The following DLC1 variants were observed in gnomAD, a reference collection of about 807,000 sequenced individuals.
The protein encoded by DLC1 is rho GTPase-activating protein 7.
A neutral mutation model predicts 140.3 loss-of-function variants in DLC1; 54 were observed. The observed-to-expected ratio is 0.38, with a 90% CI of 0.31 to 0.48. The LOEUF (loss-of-function observed/expected upper bound fraction) is 0.48. DLC1 is among the 20% of genes least tolerant of loss of function. The pLI is 0.96. For synonymous variants in DLC1, 986 were observed against 728.1 expected, an observed-to-expected ratio of 1.35 and a Z score of -5.70; for missense variants, 2,536 against 1,907.0, an observed-to-expected ratio of 1.33 and a Z score of -6.14.
intron 5 of DLC1, among the ~76,000 whole-genome samples, chr8:13,141,256 CAAAAAAAAAAAAA>C (rs34321250): frequency 4.7e-5 from 3 of 63,802 alleles, no homozygotes; most frequent in Admixed American, 2.3e-4. Context: ...GAGTCTGTCT[CAAAAAAAAAAAAA>C]AAAAAAAAAA....
At chr8:13,474,677 C>G (rs898725153) in intron 2 of DLC1, among the ~76,000 whole-genome samples, 3 of 152,232 alleles carry the variant, frequency 2.0e-5, no homozygotes, top group African/African-American at 4.8e-5. Flanking sequence ...GAACACACCT[C>G]TTGCACCAGC....
intron 2 of DLC1, among the ~76,000 whole-genome samples, chr8:13,414,960 G>A (rs575783968): frequency 3.9e-5 from 6 of 152,020 alleles, no homozygotes; most frequent in East Asian, 1.9e-4. Flanking sequence ...ACAGGCGTGC[G>A]CCACCATGCC....
chr8:13,444,945 G>A (rs1300739377), intron 2 of DLC1, among the ~76,000 whole-genome samples: 2 of 152,152 alleles, frequency 1.3e-5, no homozygotes, highest in Non-Finnish European at 2.9e-5. Context: ...TTGAATGAAT[G>A]AAGATGTAGG....
At chr8:13,481,858 A>T (rs1449793825) in intron 2 of DLC1, among the ~76,000 whole-genome samples, 3 of 152,182 alleles carry the variant, frequency 2.0e-5, no homozygotes, top group African/African-American at 7.2e-5. Context: ...GTCCTTAAAA[A>T]GGGGGAAATA....
At chr8:13,589,997 A>C (rs1805463331) in intron 1 of DLC1, among the ~76,000 whole-genome samples, 1 of 151,396 alleles carries the variant, frequency 6.6e-6, no homozygotes, top group African/African-American at 2.4e-5. Context: ...AAATTTCAAC[A>C]GCGAACATGC....
chr8:13,100,179 T>C lies in DLC1; in HGVS notation c.2158A>G (p.Asn720Asp), dbSNP rs945445914. The C allele has an allele frequency of 6.2e-7, 1 of 1,613,002 alleles. No individual in the cohort carries two copies. Among genetic ancestry groups the C allele is most frequent in the East Asian group, 2.2e-5 (1 of 44,792 alleles). The change falls in exon 9 of 18, where the codon AAT becomes GAT. Residue 720 changes from asparagine to aspartate, a missense_variant. Coordinates refer to ENST00000276297, the MANE Select transcript of DLC1 (RefSeq NM_182643.3). ...QLNCVEISALNGNRINVPMVR... is the reference protein window; with the variant it reads ...QLNCVEISALDGNRINVPMVR... The stretch of plus-strand genomic sequence containing the variant: ...ATGGGGACGTTGATGCGGTTGCCAT[T>C]GAGGGCGGAGATCTCCACGCAGTTG...
intron 4 of DLC1, among the ~76,000 whole-genome samples, chr8:13,321,422 C>T (rs775107933): frequency 6.6e-6 from 1 of 151,612 alleles, no homozygotes; most frequent in African/African-American, 2.4e-5. Context: ...CCTGTAGTCT[C>T]AGCTACTTGG....
At chr8:13,438,184 C>G (rs1047432586) in intron 2 of DLC1, among the ~76,000 whole-genome samples, 1 of 152,108 alleles carries the variant, frequency 6.6e-6, no homozygotes, top group Non-Finnish European at 1.5e-5. Context: ...GCTCAAGCCT[C>G]ATCTCAATTA....
chr8:13,315,745 A>G (rs1343054419), intron 4 of DLC1, among the ~76,000 whole-genome samples: 3 of 152,142 alleles, frequency 2.0e-5, no homozygotes, highest in African/African-American at 4.8e-5. Flanking sequence ...CTGTGCAGGA[A>G]TGGTGACCTG....
At chr8:13,237,406 T>A (rs1352389612) in intron 5 of DLC1, among the ~76,000 whole-genome samples, 7 of 151,684 alleles carry the variant, frequency 4.6e-5, no homozygotes, top group South Asian at 4.2e-4. Context: ...TGTATGAACT[T>A]CAGTTAAATG....
chr8:13,439,188 G>A (rs1322933257), intron 2 of DLC1, among the ~76,000 whole-genome samples: 1 of 152,138 alleles, frequency 6.6e-6, no homozygotes, highest in Non-Finnish European at 1.5e-5. Context: ...GTTGGGCGTG[G>A]TGGTGTGCAC....
At chr8:13,155,368 A>AT (rs1431977182) in intron 5 of DLC1, among the ~76,000 whole-genome samples, 5 of 151,938 alleles carry the variant, frequency 3.3e-5, no homozygotes, top group Non-Finnish European at 7.4e-5. Context: ...GCAAATGAAA[A>AT]ATAAAAGATA....
intron 2 of DLC1, among the ~76,000 whole-genome samples, chr8:13,467,823 G>T (rs1800009272): frequency 6.6e-6 from 1 of 151,986 alleles, no homozygotes; most frequent in African/African-American, 2.4e-5. Flanking sequence ...CCTTTCATCT[G>T]TTAATAAGTA....
intron 1 of DLC1, among the ~76,000 whole-genome samples, chr8:13,544,180 T>C (rs1010280445): frequency 6.9e-6 from 1 of 144,042 alleles, no homozygotes; most frequent in Non-Finnish European, 1.5e-5. Flanking sequence ...TTTGTCATTC[T>C]CTCTTACACA....
At chr8:13,457,843 A>G (rs1411235044) in intron 2 of DLC1, among the ~76,000 whole-genome samples, 2 of 152,174 alleles carry the variant, frequency 1.3e-5, no homozygotes, top group Admixed American at 6.5e-5. Flanking sequence ...GAAGAAAAAC[A>G]TGAATTTCTT....
rs1818901654 is a variant in DLC1 at position 13,100,059 on chromosome 8, T to C, written c.2278A>G (p.Thr760Ala). 6.2e-7 allele frequency: 1 copy of C among 1,613,294 alleles called. No individual in the cohort carries two copies. Residue 760 changes from threonine to alanine, a missense_variant, in exon 9 of 18, where the codon ACG becomes GCG. Thr to Ala is a moderately conservative substitution (Grantham distance 58). Transcript: ENST00000276297. ...SSAVSTPSPV[T>A]RTRSLSACNK... ...CACGCACTGAGGCTCCGGGTCCTCG[T>C]AACAGGGCTGGGCGTGCTGACCGCG...
chr8:13,305,594 T>C (rs1280463893), intron 4 of DLC1, among the ~76,000 whole-genome samples: 2 of 152,234 alleles, frequency 1.3e-5, no homozygotes, highest in East Asian at 1.9e-4. Flanking sequence ...TCCCAGAACT[T>C]TGGGAGGCAG....
At chr8:13,599,948 C>A (rs1419042336) in intron 1 of DLC1, among the ~76,000 whole-genome samples, 1 of 151,934 alleles carries the variant, frequency 6.6e-6, no homozygotes, top group Non-Finnish European at 1.5e-5. Flanking sequence ...TGAACAGTAT[C>A]ATTCAGGTTT....
intron 1 of DLC1, among the ~76,000 whole-genome samples, chr8:13,555,514 C>T (rs112229294): frequency 1.9e-3 from 295 of 152,082 alleles, no homozygotes; most frequent in South Asian, 0.012. Context: ...TTTTTTGAGA[C>T]GGAGTCTCAC....
Sources: allele counts gnomAD v4.1 joint callset (sites outside exome capture counted in the v4.1 genomes callset), GRCh38; gene constraint gnomAD v4.1.1; transcripts MANE v1.5; gene names NCBI Gene and HGNC (gene_info 2026-07-23, HGNC 2026-07-21).